The following SEC22A variants were observed in gnomAD, a reference collection of about 807,000 sequenced individuals.
The protein encoded by SEC22A is vesicle-trafficking protein SEC22a.
In SEC22A, 22 loss-of-function variants were observed where a neutral mutation model predicts 35.3. The observed-to-expected ratio is 0.62, with a 90% CI of 0.45 to 0.89. SEC22A has a LOEUF of 0.89. SEC22A is among the 40% of genes least tolerant of loss of function. The pLI is 0.00. For synonymous variants in SEC22A, 119 were observed against 129.5 expected (o/e 0.92, Z 0.55); for missense variants, 354 against 362.5 (o/e 0.98, Z 0.19).
chr3:123,230,400 CAT>C (rs1937300090), intron 4 of SEC22A, among the ~76,000 whole-genome samples: 1 of 151,948 alleles, frequency 6.6e-6, no homozygotes, highest in Non-Finnish European at 1.5e-5. Context: ...GAGCTATAAA[CAT>C]ATAATTACTA....
chr3:123,271,464 A>G, intron 6 of SEC22A, 58 bp from the exon 7 acceptor site: 1 of 1,414,260 alleles, frequency 7.1e-7, no homozygotes, highest in East Asian at 2.3e-5. Flanking sequence ...TTTATATTAG[A>G]AACATCTGTT....
chr3:123,263,939 A>G (rs1174379076), intron 6 of SEC22A, among the ~76,000 whole-genome samples: 1 of 144,766 alleles, frequency 6.9e-6, no homozygotes, highest in Non-Finnish European at 1.5e-5. Flanking sequence ...TTTTTTTTTA[A>G]AGACAAGGTA....
At chr3:123,213,005 A>G (rs1273719410) in intron 2 of SEC22A, among the ~76,000 whole-genome samples, 1 of 152,226 alleles carries the variant, frequency 6.6e-6, no homozygotes, top group Non-Finnish European at 1.5e-5. Context: ...TCCAGCAACT[A>G]TAATTATGAG....
chr3:123,230,359 G>T (rs916646434), intron 4 of SEC22A, among the ~76,000 whole-genome samples: 1 of 152,114 alleles, frequency 6.6e-6, no homozygotes, highest in Non-Finnish European at 1.5e-5. Flanking sequence ...ACTAATGAAG[G>T]AAGCCAGAAA....
At chr3:123,230,699 CAAAAAAAAAAAAAA>C (rs376679473) in intron 4 of SEC22A, among the ~76,000 whole-genome samples, 4 of 47,408 alleles carry the variant, frequency 8.4e-5, no homozygotes, top group Admixed American at 8.1e-4. Flanking sequence ...TCACTTCATG[CAAAAAAAAAAAAAA>C]AAAAAAAAGT....
At chr3:123,212,786 T>G (rs547975595) in intron 2 of SEC22A, among the ~76,000 whole-genome samples, 36 of 152,130 alleles carry the variant, frequency 2.4e-4, no homozygotes, top group African/African-American at 8.7e-4. Flanking sequence ...AGGAGAATAA[T>G]AAACTGAGGT....
At chr3:123,255,604 G>T (rs535899959) in intron 5 of SEC22A, among the ~76,000 whole-genome samples, 19 of 152,062 alleles carry the variant, frequency 1.2e-4, no homozygotes, top group Non-Finnish European at 2.1e-4. Flanking sequence ...GGGAGATTAT[G>T]TGCCTATGCT....
At chr3:123,238,882 T>C (rs1232842034) in intron 4 of SEC22A, among the ~76,000 whole-genome samples, 1 of 152,198 alleles carries the variant, frequency 6.6e-6, no homozygotes, top group Non-Finnish European at 1.5e-5. Context: ...CTTTTAAAAC[T>C]GTTTATTATG....
intron 2 of SEC22A, 30 bp downstream of exon 2, chr3:123,209,429 A>G: frequency 6.4e-7 from 1 of 1,567,474 alleles, no homozygotes; most frequent in South Asian, 1.1e-5. Flanking sequence ...CATTTGACTC[A>G]TTTGCCCAGT....
At chr3:123,251,150 C>T (rs185373360) in intron 5 of SEC22A, among the ~76,000 whole-genome samples, 13 of 152,178 alleles carry the variant, frequency 8.5e-5, no homozygotes, top group East Asian at 7.7e-4. Flanking sequence ...CTTCTTCCTG[C>T]CCCATGTTAG....
intron 6 of SEC22A, among the ~76,000 whole-genome samples, chr3:123,269,770 C>T (rs1158940299): frequency 2.6e-5 from 4 of 151,398 alleles, no homozygotes. Context: ...GTAGCTGGGA[C>T]TACAGGCGCC....
intron 4 of SEC22A, among the ~76,000 whole-genome samples, chr3:123,237,109 C>T (rs927819002): frequency 8.5e-5 from 13 of 152,172 alleles, no homozygotes; most frequent in Non-Finnish European, 1.6e-4. Context: ...AAAGAATGAG[C>T]GAGGCTGTGT....
chr3:123,213,956 G>A (rs1264783714), intron 2 of SEC22A, among the ~76,000 whole-genome samples: 1 of 152,048 alleles, frequency 6.6e-6, no homozygotes, highest in African/African-American at 2.4e-5. Flanking sequence ...GGCCAAGGCT[G>A]GCAGATCACC....
rs4234210 is a variant in SEC22A, at chr3:123,271,958, G to C, written c.*236G>C. The C allele has an allele frequency of 3.7e-6, 2 of 539,334 alleles. No individual in the cohort carries two copies. Among genetic ancestry groups the C allele is most frequent in the African/African-American group, 1.9e-5 (1 of 52,624 alleles). The allele number at this position is 539,334 out of a possible 1,614,324, so 33.4% of individuals were successfully genotyped here. A position where few individuals can be genotyped will look rare whatever the true frequency, so the allele number is the denominator to read the frequency against. ...GGAGGGGATTTCTCTCTTCAAGGCC[G>C]TAACAGTGGAAGAACAGTCATATGC... On this transcript the variant is annotated 3_prime_UTR_variant, in exon 7 of 7. Transcript: ENST00000492595.
rs529655019 is a variant in SEC22A, at chr3:123,218,023, G to A, written c.183-5536G>A. Among the ~76,000 whole-genome samples the A allele has an allele frequency of 3.0e-4, 45 of 152,248 alleles. No individual in the cohort carries two copies. In the South Asian group the frequency reaches 9.1e-3, roughly 31 times the overall value. On this transcript the variant is annotated intron_variant, in intron 2 of 6. Transcript: ENST00000492595. Reference sequence around the variant, plus strand: ...AATTGGTGATATGTAAAATTTCTTCGACAGTTTGTAAATCAAATTAGATAC... The same window carrying A: ...AATTGGTGATATGTAAAATTTCTTCAACAGTTTGTAAATCAAATTAGATAC...
intron 5 of SEC22A, among the ~76,000 whole-genome samples, chr3:123,247,228 C>G (rs994789280): frequency 6.6e-6 from 1 of 151,504 alleles, no homozygotes; most frequent in African/African-American, 2.4e-5. Context: ...ATAAGATACT[C>G]TTTTTTTTTG....
rs1936897807 is a variant in SEC22A at position 123,209,210 on chromosome 3, T to C, written c.-8T>C. 3.7e-6 allele frequency: 6 copies of C among 1,613,808 alleles called. No individual in the cohort carries two copies. Among genetic ancestry groups the C allele is most frequent in the Non-Finnish European group, 5.1e-6 (6 of 1,179,794 alleles). On this transcript the variant is annotated 5_prime_UTR_variant, in exon 2 of 7. Transcript: ENST00000492595. Reference sequence around the variant, plus strand: ...TCATTTTGTTTTAGGTCTTCTCTGTTGGTTGAAATGTCTATGATTTTATCT... The same window carrying C: ...TCATTTTGTTTTAGGTCTTCTCTGTCGGTTGAAATGTCTATGATTTTATCT...
intron 6 of SEC22A, among the ~76,000 whole-genome samples, chr3:123,268,511 T>C (rs563522715): frequency 6.6e-6 from 1 of 152,266 alleles, no homozygotes; most frequent in East Asian, 1.9e-4. Flanking sequence ...TATTTGTACT[T>C]AGTGGGAGAA....
intron 4 of SEC22A, among the ~76,000 whole-genome samples, chr3:123,241,355 A>G (rs1937519011): frequency 6.6e-6 from 1 of 152,160 alleles, no homozygotes; most frequent in South Asian, 2.1e-4. Flanking sequence ...ATTCAGTCAC[A>G]CTTCAGTAAT....
Sources: gnomAD v4.1 joint callset for allele counts (sites outside exome capture counted in the v4.1 genomes callset) on GRCh38, gnomAD v4.1.1 for gene constraint, MANE v1.5 for transcripts, NCBI Gene and HGNC (gene_info 2026-07-23, HGNC 2026-07-21) for gene names.